The following TTLL7 variants were observed in gnomAD, a reference collection of about 807,000 sequenced individuals.
TTLL7 encodes tubulin tyrosine ligase like 7, also known as tubulin polyglutamylase TTLL7.
In TTLL7, 53 loss-of-function variants were observed where a neutral mutation model predicts 120.2. That is an observed-to-expected ratio of 0.44 (90% CI 0.35 to 0.55). The LOEUF is 0.55. Among genes scored for constraint, TTLL7 ranks in the 20% least tolerant of loss-of-function variants. The probability of loss-of-function intolerance (pLI) is 0.00; values close to 1 mark genes in which losing one functional copy is unlikely to be tolerated. For missense variants in TTLL7, 803 were observed against 1,054.7 expected (o/e 0.76, Z 3.31); for synonymous variants, 353 against 351.7 (o/e 1.00, Z -0.04).
In TTLL7 at chr1:83,869,968, A is replaced by T. The variant is rs1186071411; in HGVS notation, c.2658T>A (p.His886Gln). ...SNVLFTSRYG[H>Q]L Reference sequence around the variant, plus strand: ...GGCGATCTTCCCTTCTGTTTCACAGATGGCCATATCTGGATGTAAACAAAA... The same window carrying T: ...GGCGATCTTCCCTTCTGTTTCACAGTTGGCCATATCTGGATGTAAACAAAA... The change falls in exon 21 of 21, where the codon CAT (histidine) becomes CAA (glutamine). Residue 886 changes from histidine to glutamine, a missense_variant. By Grantham distance (24) the His-to-Gln change is conservative. Transcript: ENST00000260505. 1.3e-6 allele frequency: 2 copies of T among 1,592,144 alleles called. No individual in the cohort carries two copies. The highest frequency in any genetic ancestry group is 1.9e-5 in the Admixed American group (1 of 53,650).
intron 4 of TTLL7, 66 bp downstream of exon 4, chr1:83,949,798 TA>T: frequency 1.3e-6 from 2 of 1,571,504 alleles, no homozygotes; most frequent in Non-Finnish European, 1.7e-6. Context: ...AGAACCTATC[TA>T]AAAAAGTTAT....
chr1:83,908,589 A>G (rs1657411392), intron 15 of TTLL7, among the ~76,000 whole-genome samples: 1 of 152,106 alleles, frequency 6.6e-6, no homozygotes, highest in African/African-American at 2.4e-5. Context: ...AACACCTAAT[A>G]AAGAAAACCA....
intron 19 of TTLL7, among the ~76,000 whole-genome samples, chr1:83,884,137 GGAGAGA>G (rs766467166): frequency 2.0e-5 from 3 of 148,208 alleles, no homozygotes; most frequent in Non-Finnish European, 3.0e-5. Context: ...AGGGAGGGAG[GGAGAGA>G]GAGAGAGAGA....
chr1:83,868,946 CTTTT>C lies in TTLL7; in HGVS notation c.*1012_*1015del, dbSNP rs1239826931. On this transcript the variant is annotated 3_prime_UTR_variant, in exon 21 of 21. Transcript: ENST00000260505. ...CATTTTATTTATTTATTTTTATCTTCTTTTTATTTATTTATTTATTTTATTTTAT... is the reference window on the plus strand; with the variant it reads ...CATTTTATTTATTTATTTTTATCTTCTATTTATTTATTTATTTTATTTTAT... The C allele has an allele frequency of 1.3e-5, 2 of 149,598 alleles. No individual in the cohort carries two copies. The highest frequency in any genetic ancestry group is 3.0e-5 in the Non-Finnish European group (2 of 67,352). 9.3% of individuals were successfully genotyped at this position (149,598 alleles called of 1,614,324 possible).
At chr1:83,873,416 T>G (rs1317720312) in intron 20 of TTLL7, among the ~76,000 whole-genome samples, 1 of 152,178 alleles carries the variant, frequency 6.6e-6, no homozygotes, top group African/African-American at 2.4e-5. Context: ...ACAATTTGAT[T>G]TTTTTAAAGC....
At chr1:83,924,961 A>G (rs1571205335) in intron 10 of TTLL7, among the ~76,000 whole-genome samples, 2 of 152,130 alleles carry the variant, frequency 1.3e-5, no homozygotes, top group East Asian at 3.9e-4. Context: ...TAAAGATCAA[A>G]AAGTGCCTTG....
intron 1 of TTLL7, among the ~76,000 whole-genome samples, chr1:83,960,150 T>C (rs920812707): frequency 1.3e-5 from 2 of 152,204 alleles, no homozygotes; most frequent in Non-Finnish European, 2.9e-5. Flanking sequence ...ATACTTTTGC[T>C]TGAATCATTA....
intron 1 of TTLL7, among the ~76,000 whole-genome samples, chr1:83,972,310 A>G (rs1273628384): frequency 2.0e-5 from 3 of 152,018 alleles, no homozygotes; most frequent in Non-Finnish European, 4.4e-5. Context: ...TCTTTTTCCT[A>G]TCTCCACAGT....
At position 83,907,453 on chromosome 1, in the gene TTLL7, T is replaced by C. The variant is rs763082207; in HGVS notation, c.1992+3A>G. The C allele has an allele frequency of 4.3e-6, 7 of 1,612,080 alleles. No homozygotes were observed. The East Asian group carries it at 1.1e-4, about 26-fold the overall frequency. On this transcript the variant is annotated splice_donor_region_variant and intron_variant, in intron 16 of 20. Transcript: ENST00000260505. Reference sequence around the variant, plus strand: ...TCTTGAAAGAGCAAAACAGATGACCTACCACTTGAGAGTTGGTAGAGCAGG... The same window carrying C: ...TCTTGAAAGAGCAAAACAGATGACCCACCACTTGAGAGTTGGTAGAGCAGG...
intron 20 of TTLL7, among the ~76,000 whole-genome samples, chr1:83,873,455 AC>A (rs1653627798): frequency 6.6e-6 from 1 of 152,180 alleles, no homozygotes; most frequent in East Asian, 1.9e-4. Context: ...AAGTGGGTTT[AC>A]GGATTAAAGA....
chr1:83,987,384 C>G (rs902975138), intron 1 of TTLL7, among the ~76,000 whole-genome samples: 1 of 152,088 alleles, frequency 6.6e-6, no homozygotes, highest in African/African-American at 2.4e-5. Context: ...GCAATTCTCC[C>G]TAAATCAACG....
At chr1:83,887,304 CT>C in intron 19 of TTLL7, 1 of 1,008,910 alleles carries the variant, frequency 9.9e-7, no homozygotes, top group Non-Finnish European at 1.3e-6. Context: ...AAAGTTGAAC[CT>C]TATATTAAAA....
chr1:83,980,766 A>ATT (rs1651883402), intron 1 of TTLL7: 1 of 152,204 alleles, frequency 6.6e-6, no homozygotes, highest in Admixed American at 6.5e-5. Flanking sequence ...CTTTAATAAT[A>ATT]TTTTATGGAA....
intron 1 of TTLL7, among the ~76,000 whole-genome samples, chr1:83,963,302 G>A (rs894356504): frequency 2.0e-5 from 3 of 152,036 alleles, no homozygotes; most frequent in African/African-American, 7.2e-5. Context: ...TCAGAATCTG[G>A]AAGAAGACAG....
chr1:83,900,109 A>T, intron 18 of TTLL7: 1 of 416,686 alleles, frequency 2.4e-6, no homozygotes, highest in Non-Finnish European at 4.7e-6. Flanking sequence ...TCATCCCATC[A>T]ATGTTTAACA....
intron 8 of TTLL7, among the ~76,000 whole-genome samples, chr1:83,936,914 T>A (rs6680155): frequency 0.018 from 2,697 of 152,266 alleles, 89 homozygotes; most frequent in African/African-American, 0.061. Flanking sequence ...TCCCAGAACA[T>A]CCTAGTTTCT....
intron 18 of TTLL7, among the ~76,000 whole-genome samples, chr1:83,894,510 T>C (rs1656049897): frequency 6.6e-6 from 1 of 152,104 alleles, no homozygotes; most frequent in Non-Finnish European, 1.5e-5. Context: ...GCACATTACT[T>C]AGAGGAGATT....
rs529932629 is a variant in TTLL7 at position 83,986,393 on chromosome 1, A to G, written c.-177+12538T>C. Among the ~76,000 whole-genome samples, 10 of 152,332 alleles carry G rather than the reference A, an allele frequency of 6.6e-5. No homozygotes were observed. The South Asian group carries it at 2.1e-3, about 32-fold the overall frequency. On this transcript the variant is annotated intron_variant, in intron 1 of 20. Coordinates refer to ENST00000260505, the MANE Select transcript of TTLL7 (RefSeq NM_024686.6). The stretch of plus-strand genomic sequence containing the variant: ...CATACATCCATATCAATTGATACTA[A>G]AAAAAGTATTTGATGTAATCCAACA...
intron 7 of TTLL7, among the ~76,000 whole-genome samples, chr1:83,940,060 T>C (rs911307201): frequency 1.3e-5 from 2 of 152,130 alleles, no homozygotes; most frequent in Admixed American, 6.6e-5. Context: ...CACTGCAGTA[T>C]GAGAACATCC....
Sources: allele counts gnomAD v4.1 joint callset (sites outside exome capture counted in the v4.1 genomes callset), GRCh38; gene constraint gnomAD v4.1.1; transcripts MANE v1.5; gene names NCBI Gene and HGNC (gene_info 2026-07-23, HGNC 2026-07-21).